PKIB: variants seen among roughly 807,000 people sequenced by gnomAD.
PKIB encodes the protein PKI-beta.
Under a neutral mutation model 4.5 loss-of-function variants are expected in PKIB, and 2 were observed. The ratio of observed to expected loss-of-function variants is 0.44; its 90% CI spans 0.18 to 1.39. The LOEUF (loss-of-function observed/expected upper bound fraction) is 1.39. Ranked by LOEUF, PKIB falls within the 40% of genes most tolerant of loss-of-function variation. The probability of loss-of-function intolerance (pLI) is 0.27; values close to 1 mark genes in which losing one functional copy is unlikely to be tolerated. For missense variants in PKIB, 94 were observed against 92.6 expected, an observed-to-expected ratio of 1.02 and a Z score of -0.06; for synonymous variants, 38 against 36.0, an observed-to-expected ratio of 1.06 and a Z score of -0.20.
chr6:122,705,235 C>T (rs981462004), intron 3 of PKIB, among the ~76,000 whole-genome samples: 1 of 152,046 alleles, frequency 6.6e-6, no homozygotes, highest in Non-Finnish European at 1.5e-5. Flanking sequence ...GTTCAATGAC[C>T]ACATTGATAA....
intron 2 of PKIB, among the ~76,000 whole-genome samples, chr6:122,486,547 T>C (rs575953404): frequency 1.3e-5 from 2 of 152,250 alleles, no homozygotes; most frequent in South Asian, 4.1e-4. Context: ...ATGTTCCTTC[T>C]AATTTCATTT....
intron 3 of PKIB, among the ~76,000 whole-genome samples, chr6:122,591,220 C>CACACCCA (rs1554222348): frequency 1.4e-5 from 2 of 142,810 alleles, no homozygotes; most frequent in South Asian, 2.2e-4. Context: ...ACACACACAC[C>CACACCCA]CCCCACATAC....
chr6:122,638,071 G>A (rs898816306), intron 2 of PKIB, among the ~76,000 whole-genome samples: 1 of 152,088 alleles, frequency 6.6e-6, no homozygotes, highest in Non-Finnish European at 1.5e-5. Context: ...GTAGATAATC[G>A]CAGAGGAGTG....
At chr6:122,540,857 G>T (rs1374271216) in intron 2 of PKIB, among the ~76,000 whole-genome samples, 1 of 150,366 alleles carries the variant, frequency 6.7e-6, no homozygotes, top group Non-Finnish European at 1.5e-5. Context: ...TTATGAATCT[G>T]GGTGCTCCTG....
intron 1 of PKIB, among the ~76,000 whole-genome samples, chr6:122,616,229 A>C (rs1774983101): frequency 6.6e-6 from 1 of 152,186 alleles, no homozygotes; most frequent in Non-Finnish European, 1.5e-5. Flanking sequence ...CATAGCGACA[A>C]AGGTATGTAG....
At chr6:122,696,769 G>A (rs1252628870) in intron 3 of PKIB, among the ~76,000 whole-genome samples, 1 of 152,222 alleles carries the variant, frequency 6.6e-6, no homozygotes, top group Non-Finnish European at 1.5e-5. Context: ...CAATAGCAGT[G>A]GATCCCTGTG....
rs111872295 is a variant in PKIB, at chr6:122,505,081, C to T, written c.-248+27142C>T. On this transcript the variant is annotated intron_variant, in intron 2 of 6. Transcript: ENST00000392491. The stretch of plus-strand genomic sequence containing the variant: ...TGACAGGGAGGCAGTACGTCATAGG[C>T]GTTATCTATAGTAATAGTGGTTTAA... Among the ~76,000 whole-genome samples, 1,292 of 152,236 alleles carry T rather than the reference C, an allele frequency of 8.5e-3. 9 individuals are homozygous for T. The highest frequency in any genetic ancestry group is 0.018 in the African/African-American group (732 of 41,518).
In PKIB at chr6:122,725,836, G is replaced by A. The variant is rs1779933196; in HGVS notation, c.*641G>A. 1 of 151,980 alleles carries A rather than the reference G, an allele frequency of 6.6e-6. No homozygotes were observed. The allele number at this position is 151,980 out of a possible 1,614,324, so 9.4% of individuals were successfully genotyped here. A position where few individuals can be genotyped will look rare whatever the true frequency, so the allele number is the denominator to read the frequency against. ...TTTTCATGTGGAAAATGCAAAATTT[G>A]TAACAAAATGGTTATATGGAACATG... is the stretch of plus-strand genomic sequence containing the variant. On this transcript the variant is annotated 3_prime_UTR_variant, in exon 5 of 5. Coordinates refer to ENST00000368452, the MANE Select transcript of PKIB (RefSeq NM_181795.3).
chr6:122,472,540 A>G (rs1054888935), intron 1 of PKIB, among the ~76,000 whole-genome samples: 6 of 152,348 alleles, frequency 3.9e-5, no homozygotes, highest in East Asian at 1.9e-4. Flanking sequence ...ATGCATTCCT[A>G]TAAAAGTTCC....
At chr6:122,505,584 T>G (rs1414853273) in intron 2 of PKIB, among the ~76,000 whole-genome samples, 2 of 152,220 alleles carry the variant, frequency 1.3e-5, no homozygotes, top group Non-Finnish European at 2.9e-5. Context: ...GGTTTTCGTT[T>G]GAAAGTCCAT....
At chr6:122,708,783 G>A (rs920296532) in intron 3 of PKIB, among the ~76,000 whole-genome samples, 9 of 152,044 alleles carry the variant, frequency 5.9e-5, no homozygotes, top group Non-Finnish European at 1.2e-4. Flanking sequence ...ACAGGCATGC[G>A]TCACCACGCC....
At chr6:122,632,732 T>G (rs1775750751) in intron 1 of PKIB, among the ~76,000 whole-genome samples, 2 of 152,322 alleles carry the variant, frequency 1.3e-5, no homozygotes, top group Non-Finnish European at 2.9e-5. Context: ...CACTAGATCT[T>G]GTGATTGAGG....
chr6:122,488,227 C>T (rs1002389764), intron 2 of PKIB, among the ~76,000 whole-genome samples: 2 of 151,522 alleles, frequency 1.3e-5, no homozygotes, highest in African/African-American at 2.4e-5. Context: ...CATATATATA[C>T]ACACACACAC....
intron 2 of PKIB, among the ~76,000 whole-genome samples, chr6:122,539,725 TC>T (rs546429663): frequency 0.017 from 2,544 of 152,196 alleles, 107 homozygotes; most frequent in African/African-American, 0.059. Flanking sequence ...TCCCTCTTTT[TC>T]TATTGATTGG....
intron 2 of PKIB, among the ~76,000 whole-genome samples, chr6:122,648,435 C>T (rs1776410579): frequency 6.6e-6 from 1 of 152,106 alleles, no homozygotes; most frequent in African/African-American, 2.4e-5. Context: ...TTTCTAGAGC[C>T]CAGCAAAATA....
intron 1 of PKIB, among the ~76,000 whole-genome samples, chr6:122,623,842 T>A (rs1001071653): frequency 1.3e-5 from 2 of 152,150 alleles, no homozygotes; most frequent in Admixed American, 6.5e-5. Flanking sequence ...AGTGATTTTT[T>A]TTTTTACTGT....
chr6:122,698,159 A>G (rs1182190418), intron 3 of PKIB, among the ~76,000 whole-genome samples: 3 of 152,170 alleles, frequency 2.0e-5, no homozygotes, highest in Admixed American at 6.6e-5. Context: ...TCTATCATGT[A>G]TAATTGTGGC....
chr6:122,542,884 C>A (rs1777651494), intron 2 of PKIB, among the ~76,000 whole-genome samples: 1 of 152,084 alleles, frequency 6.6e-6, no homozygotes, highest in African/African-American at 2.4e-5. Context: ...AGCTTCCTGG[C>A]TGCTTTGTTT....
chr6:122,642,048 A>G (rs1313111774), intron 2 of PKIB, among the ~76,000 whole-genome samples: 1 of 152,186 alleles, frequency 6.6e-6, no homozygotes, highest in Non-Finnish European at 1.5e-5. Context: ...CAGCTAGCTG[A>G]TTGATTATAT....
Sources: gnomAD v4.1 joint callset for allele counts (sites outside exome capture counted in the v4.1 genomes callset) on GRCh38, gnomAD v4.1.1 for gene constraint, MANE v1.5 for transcripts, NCBI Gene and HGNC (gene_info 2026-07-23, HGNC 2026-07-21) for gene names.